The following CD44 variants were observed in gnomAD, a reference collection of about 807,000 sequenced individuals.
The protein encoded by CD44 is CD44 antigen.
A neutral mutation model predicts 88.8 loss-of-function variants in CD44; 49 were observed. That is an observed-to-expected ratio of 0.55 (90% CI 0.44 to 0.70). The LOEUF is 0.70. Among genes scored for constraint, CD44 ranks in the 30% least tolerant of loss-of-function variants. CD44 has a pLI of 0.00. For missense variants in CD44, 883 were observed against 913.8 expected (o/e 0.97, Z 0.43); for synonymous variants, 325 against 312.3 (o/e 1.04, Z -0.43).
At chr11:35,199,228 TA>T (rs1947060776) in intron 7 of CD44, among the ~76,000 whole-genome samples, 1 of 152,218 alleles carries the variant, frequency 6.6e-6, no homozygotes, top group South Asian at 2.1e-4. Flanking sequence ...TACATAATAG[TA>T]TCCAAATTTT....
intron 1 of CD44, among the ~76,000 whole-genome samples, chr11:35,151,903 G>T (rs1326319886): frequency 1.3e-5 from 2 of 152,214 alleles, no homozygotes; most frequent in Non-Finnish European, 2.9e-5. Context: ...GATGCTGGGA[G>T]CCAGATATTT....
At chr11:35,227,796 A>G (rs1429083473) in intron 17 of CD44, among the ~76,000 whole-genome samples, 1 of 152,198 alleles carries the variant, frequency 6.6e-6, no homozygotes, top group Non-Finnish European at 1.5e-5. Context: ...CCAAATCTCC[A>G]GAGGGCTGGC....
chr11:35,139,949 C>T (rs1857574657), intron 1 of CD44, among the ~76,000 whole-genome samples: 1 of 152,244 alleles, frequency 6.6e-6, no homozygotes, highest in African/African-American at 2.4e-5. Flanking sequence ...TCACTGCCAC[C>T]TTAGCGCTGT....
At chr11:35,159,076 G>C (rs1942272606) in intron 1 of CD44, among the ~76,000 whole-genome samples, 1 of 152,224 alleles carries the variant, frequency 6.6e-6, no homozygotes, top group African/African-American at 2.4e-5. Context: ...TCCAGAGGCA[G>C]TTTAACAGAG....
intron 15 of CD44, among the ~76,000 whole-genome samples, chr11:35,215,295 T>TTA: frequency 1.3e-5 from 2 of 152,218 alleles, no homozygotes; most frequent in Non-Finnish European, 2.9e-5. Context: ...TTGAGCTTTG[T>TTA]AGCAAAAATG....
At chr11:35,213,166 C>T (rs146987447) in intron 14 of CD44, among the ~76,000 whole-genome samples, 1 of 152,196 alleles carries the variant, frequency 6.6e-6, no homozygotes, top group African/African-American at 2.4e-5. Flanking sequence ...GTCACAGTAC[C>T]CTAGAATGCT....
In CD44 at chr11:35,201,181, C is replaced by A; in HGVS notation, c.1022C>A (p.Thr341Asn). The change falls in exon 8 of 18, where the codon ACC becomes AAC. Residue 341 changes from threonine to asparagine, a missense_variant. Physicochemically the swap from Thr to Asn is moderately conservative, Grantham distance 65. Coordinates refer to ENST00000428726, the MANE Select transcript of CD44 (RefSeq NM_000610.4). ...AATCCGGAAGTGCTACTTCAGACAA[C>A]CACAAGGATGACTGGTAATGGGTTC... Reference protein sequence around the residue: ...HSNPEVLLQTTTRMTDVDRNG... With the variant: ...HSNPEVLLQTNTRMTDVDRNG... The A allele has an allele frequency of 1.9e-6, 3 of 1,610,220 alleles. No individual in the cohort carries two copies.
intron 8 of CD44, 133 bp from the exon 9 acceptor site, chr11:35,201,537 AT>A: frequency 9.1e-7 from 1 of 1,103,250 alleles, no homozygotes; most frequent in Non-Finnish European, 1.3e-6. Context: ...GTCACTCAAA[AT>A]TTTTGAGAGT....
At chr11:35,179,411 A>G (rs1220238274) in intron 2 of CD44, among the ~76,000 whole-genome samples, 3 of 152,214 alleles carry the variant, frequency 2.0e-5, no homozygotes, top group African/African-American at 7.2e-5. Context: ...GCACAATTAA[A>G]AAATAAGCAA....
Position 35,139,210 on chromosome 11 carries a change from C to G in CD44, c.-94C>G. The G allele has an allele frequency of 1.0e-6, 1 of 976,364 alleles. No homozygotes were observed. The highest frequency in any genetic ancestry group is 1.6e-5 in the African/African-American group (1 of 61,980). 60.5% of individuals were successfully genotyped at this position (976,364 alleles called of 1,614,324 possible). On this transcript the variant is annotated 5_prime_UTR_variant, in exon 1 of 18. Coordinates refer to ENST00000428726, the MANE Select transcript of CD44 (RefSeq NM_000610.4). ...GACCCCAGCCTCTGCCAGGTTCGGT[C>G]CGCCATCCTCGTCCCGTCCTCCGCC...
At chr11:35,198,035 A>G (rs776263114) in intron 6 of CD44, 86 bp from the exon 7 acceptor site, 2 of 1,445,930 alleles carry the variant, frequency 1.4e-6, no homozygotes, top group Non-Finnish European at 1.9e-6. Context: ...TGGGAAATCC[A>G]TTATACCTTC....
chr11:35,200,227 T>C (rs1364074654), intron 7 of CD44, among the ~76,000 whole-genome samples: 2 of 152,160 alleles, frequency 1.3e-5, no homozygotes, highest in African/African-American at 2.4e-5. Flanking sequence ...AAAATAAAGT[T>C]TGAAACAATT....
At chr11:35,191,173 G>A (rs552012938) in intron 5 of CD44, among the ~76,000 whole-genome samples, 79 of 152,222 alleles carry the variant, frequency 5.2e-4, no homozygotes, top group Non-Finnish European at 9.7e-4. Context: ...GCAGAAATGC[G>A]CTGGCTTGTG....
intron 5 of CD44, among the ~76,000 whole-genome samples, chr11:35,195,013 T>C (rs1320095294): frequency 1.3e-5 from 2 of 152,204 alleles, no homozygotes; most frequent in Non-Finnish European, 2.9e-5. Context: ...CTTTGGACAC[T>C]TAAAATCTCA....
In CD44 at chr11:35,221,665, A is replaced by G. The variant is rs1949314620; in HGVS notation, c.1957A>G (p.Ile653Val). Residue 653 changes from isoleucine (I) to valine (V), a missense_variant, in exon 17 of 18, where the codon ATC becomes GTC. Ile to Val is a conservative substitution (Grantham distance 29). Transcript: ENST00000428726. ...TTTACTCATACCAGAATGGCTGATC[A>G]TCTTGGCATCCCTCTTGGCCTTGGC... The part of the protein sequence containing the change: ...RTPQIPEWLI[I>V]LASLLALALI... 1 of 1,614,054 alleles carries G rather than the reference A, an allele frequency of 6.2e-7. No individual in the cohort carries two copies. The highest frequency in any genetic ancestry group is 8.5e-7 in the Non-Finnish European group (1 of 1,179,886).
intron 1 of CD44, among the ~76,000 whole-genome samples, chr11:35,171,081 A>C (rs547840936): frequency 6.6e-6 from 1 of 152,220 alleles, no homozygotes; most frequent in Non-Finnish European, 1.5e-5. Context: ...TGGCATATAC[A>C]CAATGAATGC....
chr11:35,192,827 T>C (rs1332870527), intron 5 of CD44, among the ~76,000 whole-genome samples: 1 of 149,786 alleles, frequency 6.7e-6, no homozygotes, highest in Non-Finnish European at 1.5e-5. Flanking sequence ...TGGTATGGCC[T>C]ATTTGGGTGG....
intron 1 of CD44, among the ~76,000 whole-genome samples, chr11:35,156,885 T>C (rs1320447851): frequency 6.6e-6 from 1 of 152,154 alleles, no homozygotes; most frequent in Admixed American, 6.5e-5. Flanking sequence ...ATATTTTTAA[T>C]TGGCTGTGCA....
chr11:35,169,926 G>A (rs1434605571), intron 1 of CD44, among the ~76,000 whole-genome samples: 1 of 152,160 alleles, frequency 6.6e-6, no homozygotes, highest in East Asian at 1.9e-4. Context: ...ATGACATTGG[G>A]CAAAGGACTT....
Sources: gnomAD v4.1 joint callset for allele counts (sites outside exome capture counted in the v4.1 genomes callset) on GRCh38, gnomAD v4.1.1 for gene constraint, MANE v1.5 for transcripts, NCBI Gene and HGNC (gene_info 2026-07-23, HGNC 2026-07-21) for gene names.